FLRT2: variants seen among roughly 807,000 people sequenced by gnomAD.
FLRT2 encodes the protein leucine-rich repeat transmembrane protein FLRT2.
Under a neutral mutation model 40.0 loss-of-function variants are expected in FLRT2, and 15 were observed. That is an observed-to-expected ratio of 0.38 (90% confidence interval 0.25 to 0.58). FLRT2 has a LOEUF of 0.58. Among genes scored for constraint, FLRT2 ranks in the 20% least tolerant of loss-of-function variants. The pLI is 0.71. For missense variants in FLRT2, 726 were observed against 840.0 expected, an observed-to-expected ratio of 0.86 and a Z score of 1.68; for synonymous variants, 380 against 336.8, an observed-to-expected ratio of 1.13 and a Z score of -1.41.
Position 85,646,701 on chromosome 14 carries a change from C to T in FLRT2, c.*23204C>T, listed in dbSNP as rs1458366598. The T allele has an allele frequency of 6.6e-6, 1 of 152,148 alleles. No homozygotes were observed. Among genetic ancestry groups the T allele is most frequent in the African/African-American group, 2.4e-5 (1 of 41,410 alleles). The allele number at this position is 152,148 out of a possible 1,614,324, so 9.4% of individuals were successfully genotyped here. Reference sequence around the variant, plus strand: ...GCACAATCTTGGCTCAATGCAACCTCCTTCTCCCAGGTTCAAGGAATTCTC... The same window carrying T: ...GCACAATCTTGGCTCAATGCAACCTTCTTCTCCCAGGTTCAAGGAATTCTC... On this transcript the variant is annotated 3_prime_UTR_variant, in exon 2 of 2. Transcript: ENST00000330753.
chr14:85,551,510 G>A (rs958492188), intron 1 of FLRT2, among the ~76,000 whole-genome samples: 1 of 152,134 alleles, frequency 6.6e-6, no homozygotes, highest in Non-Finnish European at 1.5e-5. Context: ...TGGCTCCAGT[G>A]TTACCTCCAT....
chr14:85,559,132 A>G (rs1469877051), intron 1 of FLRT2, among the ~76,000 whole-genome samples: 1 of 152,226 alleles, frequency 6.6e-6, no homozygotes, highest in Non-Finnish European at 1.5e-5. Context: ...AGCCCCATCA[A>G]CACATACTTT....
chr14:85,576,413 A>C (rs1891129341), intron 1 of FLRT2, among the ~76,000 whole-genome samples: 2 of 152,206 alleles, frequency 1.3e-5, no homozygotes, highest in Admixed American at 1.3e-4. Flanking sequence ...TGCTGTCTCC[A>C]AACAGTAGAC....
intron 1 of FLRT2, among the ~76,000 whole-genome samples, chr14:85,566,932 G>A (rs1163869308): frequency 6.6e-6 from 1 of 152,160 alleles, no homozygotes; most frequent in African/African-American, 2.4e-5. Context: ...CTTTGAGGCA[G>A]TATTAATATT....
intron 1 of FLRT2, among the ~76,000 whole-genome samples, chr14:85,541,823 A>C (rs905432929): frequency 1.3e-5 from 2 of 152,108 alleles, no homozygotes; most frequent in African/African-American, 4.8e-5. Flanking sequence ...CATGCCTTCT[A>C]CCTCACAGCC....
intron 1 of FLRT2, among the ~76,000 whole-genome samples, chr14:85,566,549 T>TTGTGTGTGTGTGTGTGTGTGTGTGTG (rs61634735): frequency 2.3e-5 from 3 of 130,826 alleles, no homozygotes; most frequent in Admixed American, 7.6e-5. Context: ...ACTTCCATGG[T>TTGTGTGTGTGTGTGTGTGTGTGTGTG]TGTGTGTGTG....
At chr14:85,592,009 A>G (rs1049707225) in intron 1 of FLRT2, among the ~76,000 whole-genome samples, 2 of 152,206 alleles carry the variant, frequency 1.3e-5, no homozygotes, top group African/African-American at 4.8e-5. Context: ...GAATAACTCC[A>G]TGAAGTTGAA....
chr14:85,572,961 C>G (rs1410022910), intron 1 of FLRT2, among the ~76,000 whole-genome samples: 1 of 152,076 alleles, frequency 6.6e-6, no homozygotes, highest in African/African-American at 2.4e-5. Context: ...ACTTTCCACT[C>G]TACTGAATTC....
rs1203526586 is a variant in FLRT2 at position 85,632,872 on chromosome 14, T to G, written c.*9375T>G. On this transcript the variant is annotated 3_prime_UTR_variant, in exon 2 of 2. Coordinates refer to ENST00000330753, the MANE Select transcript of FLRT2 (RefSeq NM_013231.6). ...CCTGCCAATTTGCCTTGGCAATAAC[T>G]TGCACTTTAGGGTTATCAGTGTACT... 6.6e-6 allele frequency: 1 copy of G among 152,198 alleles called. No individual in the cohort carries two copies. Among genetic ancestry groups the G allele is most frequent in the Non-Finnish European group, 1.5e-5 (1 of 68,034 alleles). The allele number at this position is 152,198 out of a possible 1,614,324, so 9.4% of individuals were successfully genotyped here. A position where few individuals can be genotyped will look rare whatever the true frequency, so the allele number is the denominator to read the frequency against.
intron 1 of FLRT2, among the ~76,000 whole-genome samples, chr14:85,590,653 G>T (rs1175156146): frequency 1.3e-5 from 2 of 152,066 alleles, no homozygotes; most frequent in Non-Finnish European, 2.9e-5. Context: ...AGGCTGGAGT[G>T]CAGTGGTGCG....
chr14:85,533,330 G>A (rs1399932297), intron 1 of FLRT2, among the ~76,000 whole-genome samples: 1 of 151,996 alleles, frequency 6.6e-6, no homozygotes, highest in Non-Finnish European at 1.5e-5. Flanking sequence ...ACATTAGCCC[G>A]GCCGCGTCGG....
intron 1 of FLRT2, among the ~76,000 whole-genome samples, chr14:85,532,263 G>A (rs1888331889): frequency 1.3e-5 from 2 of 152,180 alleles, no homozygotes; most frequent in Non-Finnish European, 2.9e-5. Flanking sequence ...CACCGACGGC[G>A]CGTCTCGGCG....
chr14:85,571,908 A>G (rs2139862295), intron 1 of FLRT2, among the ~76,000 whole-genome samples: 1 of 152,328 alleles, frequency 6.6e-6, no homozygotes, highest in Middle Eastern at 3.4e-3. Context: ...CCAGTTTACT[A>G]GCAATTTCCT....
At chr14:85,608,004 G>A (rs1892700216) in intron 1 of FLRT2, among the ~76,000 whole-genome samples, 1 of 151,836 alleles carries the variant, frequency 6.6e-6, no homozygotes, top group Non-Finnish European at 1.5e-5. Flanking sequence ...CTCTGTGTAT[G>A]TCTGTTTCCT....
At chr14:85,556,578 C>T (rs79293759) in intron 1 of FLRT2, among the ~76,000 whole-genome samples, 7,705 of 152,152 alleles carry the variant, frequency 0.051, 620 homozygotes, top group African/African-American at 0.17. Context: ...GAGGCAGACT[C>T]CCTGGGTTCA....
intron 1 of FLRT2, among the ~76,000 whole-genome samples, chr14:85,553,723 G>A (rs1021942309): frequency 1.1e-4 from 16 of 152,056 alleles, no homozygotes; most frequent in Non-Finnish European, 2.2e-4. Flanking sequence ...AAGAGAAAGG[G>A]AAAAAGATTA....
intron 1 of FLRT2, among the ~76,000 whole-genome samples, chr14:85,587,042 T>G (rs972337802): frequency 5.9e-5 from 9 of 152,268 alleles, no homozygotes; most frequent in African/African-American, 2.2e-4. Context: ...ATATATTACT[T>G]TCTACAACCA....
intron 1 of FLRT2, among the ~76,000 whole-genome samples, chr14:85,554,681 G>A (rs904948712): frequency 2.0e-5 from 3 of 152,160 alleles, no homozygotes; most frequent in African/African-American, 7.2e-5. Flanking sequence ...AATAGTTAGG[G>A]TTGTGAATAT....
rs912896401 is a variant in FLRT2, at chr14:85,622,579, G to C, written c.1065G>C (p.Met355Ile). The change falls in exon 2 of 2, where the codon ATG becomes ATC. Residue 355 changes from methionine to isoleucine, a missense_variant. By Grantham distance (10) the Met-to-Ile change is conservative (BLOSUM62 1). Coordinates refer to ENST00000330753, the MANE Select transcript of FLRT2 (RefSeq NM_013231.6). Reference protein sequence around the residue: ...VRGMAVRELNMNLLSCPTTTP... With the variant: ...VRGMAVRELNINLLSCPTTTP... ...GGATGGCCGTCAGGGAATTAAATAT[G>C]AATCTTTTGTCCTGTCCCACCACGA... 1.9e-6 allele frequency: 3 copies of C among 1,613,484 alleles called. No homozygotes were observed. Among genetic ancestry groups the C allele is most frequent in the Non-Finnish European group, 2.5e-6 (3 of 1,179,956 alleles).
Sources: gnomAD v4.1 joint callset for allele counts (sites outside exome capture counted in the v4.1 genomes callset) on GRCh38, gnomAD v4.1.1 for gene constraint, MANE v1.5 for transcripts, NCBI Gene and HGNC (gene_info 2026-07-23, HGNC 2026-07-21) for gene names.